Variants in HPSE2 observed in about 807,000 individuals in gnomAD.
The protein encoded by HPSE2 is heparanase 2 (inactive), also known as inactive heparanase-2.
HPSE2 carries 38 observed loss-of-function variants against 60.5 expected under a neutral mutation model. That is an observed-to-expected ratio of 0.63 (90% CI 0.48 to 0.82). The LOEUF (loss-of-function observed/expected upper bound fraction) is 0.82, where lower values mean the gene tolerates loss of function less well. Ranked by LOEUF, HPSE2 falls within the 40% of genes least tolerant of loss-of-function variation. The pLI, the probability that HPSE2 is intolerant of heterozygous loss-of-function variation, is 0.00. For synonymous variants in HPSE2, 295 were observed against 293.2 expected (o/e 1.01, Z -0.06); for missense variants, 713 against 740.4 (o/e 0.96, Z 0.43).
chr10:98,675,519 AAC>A (rs968838254), intron 6 of HPSE2, among the ~76,000 whole-genome samples: 37 of 148,958 alleles, frequency 2.5e-4, no homozygotes, highest in African/African-American at 8.7e-4. Context: ...CAGCCTAAGC[AAC>A]ACAGTGAGAT....
chr10:98,490,122 C>T lies in HPSE2; in HGVS notation c.1395G>A (p.Gln465=), dbSNP rs772925977. 1.2e-6 allele frequency: 2 copies of T among 1,614,214 alleles called. No homozygotes were observed. Among genetic ancestry groups the T allele is most frequent in the South Asian group, 1.1e-5 (1 of 91,080 alleles). ...KVLAVHVAGL[Q]RKPRPGRVIR... is the part of the protein sequence containing the mutation. ...TCACTCGGCCAGGCCGTGGCTTCCGCTGGAGCCCAGCCACATGCACAGCCA... is the reference window on the plus strand; with the variant it reads ...TCACTCGGCCAGGCCGTGGCTTCCGTTGGAGCCCAGCCACATGCACAGCCA... The change falls in exon 10 of 12, where the codon CAG becomes CAA. Residue 465 remains glutamine (Q), a synonymous_variant. Coordinates refer to ENST00000370552, the MANE Select transcript of HPSE2 (RefSeq NM_021828.5).
chr10:98,728,601 T>C (rs978443797), intron 4 of HPSE2, among the ~76,000 whole-genome samples: 2 of 151,940 alleles, frequency 1.3e-5, no homozygotes, highest in African/African-American at 2.4e-5. Flanking sequence ...CTGAGTGACA[T>C]AGTGAGACTC....
intron 3 of HPSE2, among the ~76,000 whole-genome samples, chr10:99,106,085 A>G (rs1844236344): frequency 6.6e-6 from 1 of 152,098 alleles, no homozygotes; most frequent in African/African-American, 2.4e-5. Flanking sequence ...TATTTTGGTT[A>G]TTCTAGATCC....
chr10:98,828,165 T>C (rs1233196171), intron 3 of HPSE2, among the ~76,000 whole-genome samples: 1 of 152,226 alleles, frequency 6.6e-6, no homozygotes, highest in East Asian at 1.9e-4. Context: ...TCTCTGTCTC[T>C]CAGACATAGT....
At chr10:99,047,853 C>G (rs1345835072) in intron 3 of HPSE2, 1 of 779,306 alleles carries the variant, frequency 1.3e-6, no homozygotes, top group Non-Finnish European at 2.3e-6. Context: ...ATTTGAATGG[C>G]GAGGATGGCA....
At chr10:98,647,359 G>GA (rs970365412) in intron 6 of HPSE2, among the ~76,000 whole-genome samples, 1 of 152,190 alleles carries the variant, frequency 6.6e-6, no homozygotes, top group African/African-American at 2.4e-5. Flanking sequence ...ACTTTAAAAA[G>GA]AAAAACCTTT....
intron 6 of HPSE2, among the ~76,000 whole-genome samples, chr10:98,688,788 T>C (rs1436715015): frequency 6.6e-6 from 1 of 152,042 alleles, no homozygotes; most frequent in Non-Finnish European, 1.5e-5. Context: ...CTTTAGTATT[T>C]CTTGCGACAC....
intron 3 of HPSE2, among the ~76,000 whole-genome samples, chr10:98,998,161 A>G (rs1956691857): frequency 6.6e-6 from 1 of 152,210 alleles, no homozygotes; most frequent in Non-Finnish European, 1.5e-5. Flanking sequence ...CAGAAGCTCA[A>G]GCCAACACTT....
chr10:98,996,339 A>G (rs967693068), intron 3 of HPSE2, among the ~76,000 whole-genome samples: 2 of 152,230 alleles, frequency 1.3e-5, no homozygotes, highest in East Asian at 1.9e-4. Context: ...CAGTAAAAAA[A>G]TTAATGTTGG....
chr10:98,621,893 A>G (rs890657727), intron 7 of HPSE2, among the ~76,000 whole-genome samples: 3 of 152,222 alleles, frequency 2.0e-5, no homozygotes, highest in Non-Finnish European at 4.4e-5. Context: ...CCTGATCTCT[A>G]CAATGATGGC....
At chr10:98,907,981 A>T (rs886230652) in intron 3 of HPSE2, among the ~76,000 whole-genome samples, 2 of 152,196 alleles carry the variant, frequency 1.3e-5, no homozygotes, top group African/African-American at 4.8e-5. Context: ...AAGTTACCCT[A>T]AAAGTGCTCA....
In HPSE2 at chr10:99,178,169, A is replaced by C. The variant is rs543372422; in HGVS notation, c.449-33770T>G. Among the ~76,000 whole-genome samples the C allele has an allele frequency of 3.9e-5, 6 of 152,022 alleles. No homozygotes were observed. The East Asian group carries it at 1.2e-3, about 30-fold the overall frequency. On this transcript the variant is annotated intron_variant, in intron 2 of 11. Transcript: ENST00000370552. ...TAAATGCCCACAGGAGAAAGTGGGA[A>C]AGATCTAAAATCAACACTGTAACAT...
chr10:98,648,418 G>T (rs1292001951), intron 6 of HPSE2, among the ~76,000 whole-genome samples: 1 of 152,186 alleles, frequency 6.6e-6, no homozygotes, highest in Non-Finnish European at 1.5e-5. Flanking sequence ...GGCAGAAGTG[G>T]ATCCATGTGC....
At chr10:99,068,313 T>C (rs1411425879) in intron 3 of HPSE2, among the ~76,000 whole-genome samples, 1 of 152,186 alleles carries the variant, frequency 6.6e-6, no homozygotes, top group Non-Finnish European at 1.5e-5. Context: ...TCTGTTCTCA[T>C]GTTGCTAATA....
intron 3 of HPSE2, among the ~76,000 whole-genome samples, chr10:98,989,265 G>C (rs1183167575): frequency 6.6e-6 from 1 of 152,168 alleles, no homozygotes; most frequent in African/African-American, 2.4e-5. Context: ...AACAATGATA[G>C]ACTGGATTAA....
At chr10:98,926,986 A>G (rs1038673775) in intron 3 of HPSE2, among the ~76,000 whole-genome samples, 2 of 152,054 alleles carry the variant, frequency 1.3e-5, no homozygotes, top group African/African-American at 2.4e-5. Flanking sequence ...AGTTTGTTAT[A>G]ATTTCTGTTC....
chr10:99,267,637 C>T, the HPSE2 span, among the ~76,000 whole-genome samples: 2 of 151,730 alleles, frequency 1.3e-5, no homozygotes, highest in Non-Finnish European at 2.9e-5. Context: ...CAAAAATTAG[C>T]CAGCGTGGTG....
At chr10:98,556,059 CTT>C (rs1243069178) in intron 9 of HPSE2, among the ~76,000 whole-genome samples, 1 of 152,112 alleles carries the variant, frequency 6.6e-6, no homozygotes, top group Non-Finnish European at 1.5e-5. Context: ...TAAACTCCGA[CTT>C]TTATTATTAT....
chr10:99,059,582 C>A (rs982629396), intron 3 of HPSE2, among the ~76,000 whole-genome samples: 1 of 151,970 alleles, frequency 6.6e-6, no homozygotes, highest in Non-Finnish European at 1.5e-5. Flanking sequence ...TTTCTCTCTC[C>A]TTTTTTAAAT....
Sources: allele counts gnomAD v4.1 joint callset (sites outside exome capture counted in the v4.1 genomes callset), GRCh38; gene constraint gnomAD v4.1.1; transcripts MANE v1.5; gene names NCBI Gene and HGNC (gene_info 2026-07-23, HGNC 2026-07-21).